The following STARD4 variants were observed in gnomAD, a reference collection of about 807,000 sequenced individuals.
STARD4 encodes the protein stAR-related lipid transfer protein 4.
In STARD4, 33 loss-of-function variants were observed where a neutral mutation model predicts 24.9. The ratio of observed to expected loss-of-function variants is 1.32; its 90% CI spans 1.00 to 1.77. The LOEUF (loss-of-function observed/expected upper bound fraction) is 1.77. Ranked by LOEUF, STARD4 falls within the 40% of genes most tolerant of loss-of-function variation. STARD4 has a pLI of 0.00. For missense variants in STARD4, 238 were observed against 249.3 expected (o/e 0.95, Z 0.31); for synonymous variants, 88 against 77.4 (o/e 1.14, Z -0.72).
chr5:111,500,611 G>T lies in STARD4; in HGVS notation c.397+391C>A, dbSNP rs1580844478. 3.6e-6 allele frequency: 4 copies of T among 1,120,986 alleles called. No homozygotes were observed. The East Asian group carries it at 1.8e-4, about 50-fold the overall frequency. The allele number at this position is 1,120,986 out of a possible 1,614,324, so 69.4% of individuals were successfully genotyped here. A position where few individuals can be genotyped will look rare whatever the true frequency, so the allele number is the denominator to read the frequency against. ...ATGGCAGTATTTTTAATCTTGAAAA[G>T]AAAAATACAACACAGCTCAAGGAAG... On this transcript the variant is annotated intron_variant, in intron 5 of 5. Transcript: ENST00000296632.
chr5:111,509,102 G>A (rs186725476), intron 1 of STARD4, among the ~76,000 whole-genome samples: 1 of 152,166 alleles, frequency 6.6e-6, no homozygotes, highest in Admixed American at 6.5e-5. Flanking sequence ...TCAAGAGGCT[G>A]TCAACTTGAT....
In STARD4 at chr5:111,497,447, T is replaced by C. The variant is rs971437054; in HGVS notation, c.*2439A>G. On this transcript the variant is annotated 3_prime_UTR_variant, in exon 6 of 6. Coordinates refer to ENST00000296632, the MANE Select transcript of STARD4 (RefSeq NM_139164.3). The stretch of plus-strand genomic sequence containing the variant: ...TTCAATACAGTATCCACTGGCCTCA[T>C]GTGGCTAATGAGCACTTAAAATGTG... 6.6e-6 allele frequency: 1 copy of C among 152,076 alleles called. No individual in the cohort carries two copies. The highest frequency in any genetic ancestry group is 6.6e-5 in the Admixed American group (1 of 15,266). The allele number at this position is 152,076 out of a possible 1,614,324, so 9.4% of individuals were successfully genotyped here.
At position 111,496,388 on chromosome 5, in the gene STARD4, A is replaced by C. The variant is rs1230841984; in HGVS notation, c.*3498T>G. Reference sequence around the variant, plus strand: ...TGAATAAGAAAGACATGGAAGATACAGCAGGCAGGCAACACAGGTTCTAGG... The same window carrying C: ...TGAATAAGAAAGACATGGAAGATACCGCAGGCAGGCAACACAGGTTCTAGG... On this transcript the variant is annotated 3_prime_UTR_variant, in exon 6 of 6. Transcript: ENST00000296632. 1.3e-5 allele frequency: 2 copies of C among 152,114 alleles called. No homozygotes were observed. Among genetic ancestry groups the C allele is most frequent in the African/African-American group, 2.4e-5 (1 of 41,444 alleles). The allele number at this position is 152,114 out of a possible 1,614,324, so 9.4% of individuals were successfully genotyped here.
intron 3 of STARD4, among the ~76,000 whole-genome samples, chr5:111,505,429 A>G (rs1020262050): frequency 1.3e-5 from 2 of 152,214 alleles, no homozygotes; most frequent in African/African-American, 4.8e-5. Flanking sequence ...ATTTTGAAAA[A>G]TGGCTGAGTC....
intron 2 of STARD4, 29 bp from the exon 3 acceptor site, chr5:111,506,408 T>A (rs1382951842): frequency 1.7e-6 from 2 of 1,167,902 alleles, no homozygotes; most frequent in Non-Finnish European, 2.5e-6. Context: ...TATATGGTAA[T>A]AATTGCATAG....
At chr5:111,506,227 A>G in intron 3 of STARD4, 103 bp downstream of exon 3, 2 of 426,104 alleles carry the variant, frequency 4.7e-6, no homozygotes, top group African/African-American at 2.1e-5. Context: ...AAGTTAAAGA[A>G]CTCTTAAAAA....
In STARD4 at chr5:111,500,085, T is replaced by G; in HGVS notation, c.419A>C (p.Glu140Ala). 1 of 1,612,672 alleles carries G rather than the reference T, an allele frequency of 6.2e-7. No homozygotes were observed. The highest frequency in any genetic ancestry group is 1.3e-5 in the African/African-American group (1 of 75,054). Reference sequence around the variant, plus strand: ...TCCTCGAACAAATTCTGGTCTCTTTTCATCCCAGTCAAGACTTATTCCTAT... The same window carrying G: ...TCCTCGAACAAATTCTGGTCTCTTTGCATCCCAGTCAAGACTTATTCCTAT... Reference protein sequence around the residue: ...LSCGISLDWDEKRPEFVRGYN... With the variant: ...LSCGISLDWDAKRPEFVRGYN... Residue 140 changes from glutamate (E) to alanine (A), a missense_variant, in exon 6 of 6, where the codon GAA becomes GCA. Transcript: ENST00000296632.
chr5:111,508,813 G>A (rs1200953466), intron 1 of STARD4, among the ~76,000 whole-genome samples: 1 of 152,110 alleles, frequency 6.6e-6, no homozygotes, highest in South Asian at 2.1e-4. Flanking sequence ...TGTCTAGCCA[G>A]AGATCAGAAC....
rs1398542149 is a variant in STARD4 at position 111,498,731 on chromosome 5, A to T, written c.*1155T>A. ...TCTTGATCAATCTAGATACTATGAG[A>T]TAATTCACCATGAACATTGTGCTGC... On this transcript the variant is annotated 3_prime_UTR_variant, in exon 6 of 6. Coordinates refer to ENST00000296632, the MANE Select transcript of STARD4 (RefSeq NM_139164.3). The T allele has an allele frequency of 6.6e-6, 1 of 152,168 alleles. No homozygotes were observed. The highest frequency in any genetic ancestry group is 1.9e-4 in the East Asian group (1 of 5,204). 9.4% of individuals were successfully genotyped at this position (152,168 alleles called of 1,614,324 possible). A position where few individuals can be genotyped will look rare whatever the true frequency, so the allele number is the denominator to read the frequency against.
intron 1 of STARD4, among the ~76,000 whole-genome samples, chr5:111,509,912 G>A (rs145352708): frequency 2.6e-5 from 4 of 152,096 alleles, no homozygotes; most frequent in African/African-American, 7.2e-5. Flanking sequence ...TATATACCAG[G>A]TCCTAGAACT....
In STARD4 at chr5:111,499,720, A is replaced by T; in HGVS notation, c.*166T>A. 1.6e-6 allele frequency: 1 copy of T among 640,206 alleles called. No homozygotes were observed. Among genetic ancestry groups the T allele is most frequent in the Non-Finnish European group, 2.7e-6 (1 of 375,648 alleles). 39.7% of individuals were successfully genotyped at this position (640,206 alleles called of 1,614,324 possible). A position where few individuals can be genotyped will look rare whatever the true frequency, so the allele number is the denominator to read the frequency against. ...AAAAAAAGTGAAAATGCCCTCTCTT[A>T]GATAGCTATTTACTTTAGGAATAAA... On this transcript the variant is annotated 3_prime_UTR_variant, in exon 6 of 6. Coordinates refer to ENST00000296632, the MANE Select transcript of STARD4 (RefSeq NM_139164.3).
At chr5:111,506,742 A>C (rs1264579025) in intron 2 of STARD4, among the ~76,000 whole-genome samples, 1 of 152,240 alleles carries the variant, frequency 6.6e-6, no homozygotes, top group Non-Finnish European at 1.5e-5. Flanking sequence ...GACATTGTTC[A>C]TAACTTTTAA....
chr5:111,497,590 G>A lies in STARD4; in HGVS notation c.*2296C>T, dbSNP rs184620222. 1.3e-5 allele frequency: 2 copies of A among 152,100 alleles called. No individual in the cohort carries two copies. Among genetic ancestry groups the A allele is most frequent in the South Asian group, 2.1e-4 (1 of 4,824 alleles). The allele number at this position is 152,100 out of a possible 1,614,324, so 9.4% of individuals were successfully genotyped here. Reference sequence around the variant, plus strand: ...ATGTTAAAATGATAACATTTTGGATGTATTGAGTTAAATAAAATATTAAAA... The same window carrying A: ...ATGTTAAAATGATAACATTTTGGATATATTGAGTTAAATAAAATATTAAAA... On this transcript the variant is annotated 3_prime_UTR_variant, in exon 6 of 6. Transcript: ENST00000296632.
At position 111,499,140 on chromosome 5, in the gene STARD4, C is replaced by T. The variant is rs1167481116; in HGVS notation, c.*746G>A. ...AAGATTTGCCTGGATACCTGAATTG[C>T]CTCAAGTTCCCATTTTAGAAGTAAA... On this transcript the variant is annotated 3_prime_UTR_variant, in exon 6 of 6. Coordinates refer to ENST00000296632, the MANE Select transcript of STARD4 (RefSeq NM_139164.3). 1 of 152,142 alleles carries T rather than the reference C, an allele frequency of 6.6e-6. No individual in the cohort carries two copies. Among genetic ancestry groups the T allele is most frequent in the African/African-American group, 2.4e-5 (1 of 41,432 alleles). 9.4% of individuals were successfully genotyped at this position (152,142 alleles called of 1,614,324 possible).
intron 3 of STARD4, among the ~76,000 whole-genome samples, chr5:111,502,996 A>C (rs1049454682): frequency 2.6e-5 from 4 of 152,198 alleles, no homozygotes; most frequent in Admixed American, 2.6e-4. Flanking sequence ...AGCCAAAAAC[A>C]GTTTATAGAA....
Position 111,507,290 on chromosome 5 carries a change from G to A in STARD4, c.105+39C>T. On this transcript the variant is annotated intron_variant, in intron 2 of 5. Transcript: ENST00000296632. The surrounding 1 kb of genome is among the most constrained non-coding windows in gnomAD (Gnocchi z 4.4). ...AAGTCATCAACCAATTCATTAGATA[G>A]AAGATATACCCCAAATATAAGTAAT... 6.5e-7 allele frequency: 1 copy of A among 1,528,550 alleles called. No individual in the cohort carries two copies. Among genetic ancestry groups the A allele is most frequent in the Non-Finnish European group, 9.0e-7 (1 of 1,110,718 alleles). 94.7% of individuals were successfully genotyped at this position (1,528,550 alleles called of 1,614,324 possible).
At position 111,512,449 on chromosome 5, in the gene STARD4, C is replaced by T. The variant is rs1580877393; in HGVS notation, c.-74G>A. On this transcript the variant is annotated 5_prime_UTR_variant, in exon 1 of 6. Transcript: ENST00000296632. ...GCGCGCTACCAAGCACCTCACACCG[C>T]TCTCAACAGTACTGCTCAGCCTCCC... 6.6e-6 allele frequency: 1 copy of T among 152,590 alleles called. No homozygotes were observed. The highest frequency in any genetic ancestry group is 1.9e-4 in the East Asian group (1 of 5,194). 9.5% of individuals were successfully genotyped at this position (152,590 alleles called of 1,614,324 possible).
chr5:111,502,520 A>C (rs1756537791), intron 3 of STARD4, among the ~76,000 whole-genome samples: 1 of 152,120 alleles, frequency 6.6e-6, no homozygotes, highest in South Asian at 2.1e-4. Flanking sequence ...TGGGCCAGGC[A>C]TGGTGGCTCA....
chr5:111,503,586 G>A lies in STARD4; in HGVS notation c.156-1498C>T, dbSNP rs145257465. Among the ~76,000 whole-genome samples, 1,225 of 152,160 alleles carry A rather than the reference G, an allele frequency of 8.1e-3. 18 individuals carry two copies. Among genetic ancestry groups the A allele is most frequent in the African/African-American group, 0.028 (1,171 of 41,510 alleles). On this transcript the variant is annotated intron_variant, in intron 3 of 5. Coordinates refer to ENST00000296632, the MANE Select transcript of STARD4 (RefSeq NM_139164.3). ...GGAAGCTGCAGTGAGCTGAGATTGCGTCACTGCACTCCAGCCTGGCGACAC... is the reference window on the plus strand; with the variant it reads ...GGAAGCTGCAGTGAGCTGAGATTGCATCACTGCACTCCAGCCTGGCGACAC...
Sources: allele counts gnomAD v4.1 joint callset (sites outside exome capture counted in the v4.1 genomes callset), GRCh38; gene constraint gnomAD v4.1.1; non-coding constraint Gnocchi (gnomAD v3.1); transcripts MANE v1.5; gene names NCBI Gene and HGNC (gene_info 2026-07-23, HGNC 2026-07-21).